TBC1D21: variants seen among roughly 807,000 people sequenced by gnomAD.
TBC1D21 encodes the protein male germ cell Rab GTPase-activating protein.
Under a neutral mutation model 46.0 loss-of-function variants are expected in TBC1D21, and 38 were observed. The ratio of observed to expected loss-of-function variants is 0.83; its 90% CI spans 0.64 to 1.08. The LOEUF (loss-of-function observed/expected upper bound fraction) is 1.08. Among genes scored for constraint, TBC1D21 ranks in the 50% least tolerant of loss-of-function variants. The pLI, the probability that TBC1D21 is intolerant of heterozygous loss-of-function variation, is 0.00. For missense variants in TBC1D21, 415 were observed against 417.9 expected (o/e 0.99, Z 0.06); for synonymous variants, 151 against 157.2 (o/e 0.96, Z 0.29).
chr15:73,874,032 G>A (rs1056804741), intron 1 of TBC1D21, among the ~76,000 whole-genome samples: 4 of 152,184 alleles, frequency 2.6e-5, no homozygotes, highest in South Asian at 2.1e-4. Context: ...TTGCAGGTGC[G>A]AACCTGAAGA....
chr15:73,889,707 G>A (rs2068320938), downstream of TBC1D21, among the ~76,000 whole-genome samples: 1 of 152,204 alleles, frequency 6.6e-6, no homozygotes, highest in African/African-American at 2.4e-5. Context: ...CCTCATAATT[G>A]TGCCTTCATT....
downstream of TBC1D21, among the ~76,000 whole-genome samples, chr15:73,892,040 T>G (rs536492729): frequency 7.2e-5 from 11 of 152,342 alleles, no homozygotes; most frequent in African/African-American, 2.6e-4. Flanking sequence ...AGTGACAACC[T>G]ATGGGGCTTT....
intron 1 of TBC1D21, among the ~76,000 whole-genome samples, chr15:73,877,729 G>GTGATGTGAGGAATGTGA (rs2068092402): frequency 6.6e-6 from 1 of 152,122 alleles, no homozygotes; most frequent in South Asian, 2.1e-4. Context: ...TCACCAAGTG[G>GTGATGTGAGGAATGTGA]GGCTTATCCC....
At chr15:73,884,966 A>ACCCCCCCCC in intron 5 of TBC1D21, 37 bp from the exon 6 acceptor site, 1 of 1,144,000 alleles carries the variant, frequency 8.7e-7, no homozygotes, top group Non-Finnish European at 1.3e-6. Context: ...AGGCTCTCCC[A>ACCCCCCCCC]CCCAGCCCCT....
the TBC1D21 span, among the ~76,000 whole-genome samples, chr15:73,898,880 A>AAATATATATATATAT: frequency 1.4e-4 from 8 of 56,804 alleles, no homozygotes; most frequent in Non-Finnish European, 2.7e-4. Context: ...AAAAAAAAAA[A>AAATATATATATATAT]ATATATATAT....
chr15:73,902,002 TG>T, the TBC1D21 span, among the ~76,000 whole-genome samples: 1 of 152,020 alleles, frequency 6.6e-6, no homozygotes, highest in East Asian at 1.9e-4. Context: ...TTTGTAGAGA[TG>T]GGGACTCACT....
chr15:73,884,311 C>A, intron 4 of TBC1D21, 66 bp downstream of exon 4: 1 of 1,398,904 alleles, frequency 7.1e-7, no homozygotes, highest in African/African-American at 1.4e-5. Context: ...GCCCCCTTCT[C>A]AGCCACTTCC....
At chr15:73,874,170 G>C (rs957073913) in intron 1 of TBC1D21, among the ~76,000 whole-genome samples, 3 of 152,096 alleles carry the variant, frequency 2.0e-5, no homozygotes, top group Non-Finnish European at 4.4e-5. Context: ...GTTAGAAGTC[G>C]GCTTCAGTCA....
chr15:73,900,804 G>A, the TBC1D21 span, among the ~76,000 whole-genome samples: 2 of 152,320 alleles, frequency 1.3e-5, no homozygotes, highest in Non-Finnish European at 1.5e-5. Context: ...TAGCGAAGAG[G>A]CATCAGGCAG....
chr15:73,896,841 T>G, the TBC1D21 span, among the ~76,000 whole-genome samples: 4 of 152,064 alleles, frequency 2.6e-5, no homozygotes, highest in Non-Finnish European at 5.9e-5. Context: ...GTCCTCAGTT[T>G]CCCCCTCTGA....
At chr15:73,880,457 A>T (rs1186120784) in intron 1 of TBC1D21, among the ~76,000 whole-genome samples, 1 of 152,146 alleles carries the variant, frequency 6.6e-6, no homozygotes, top group Non-Finnish European at 1.5e-5. Context: ...AGCAGTGTAC[A>T]TTATTATAGA....
downstream of TBC1D21, among the ~76,000 whole-genome samples, chr15:73,892,503 T>C (rs1300657065): frequency 6.6e-6 from 1 of 152,212 alleles, no homozygotes; most frequent in Non-Finnish European, 1.5e-5. Context: ...CAAGCTTCCA[T>C]GCACCGCTGC....
the TBC1D21 span, among the ~76,000 whole-genome samples, chr15:73,896,218 C>T: frequency 3.9e-5 from 6 of 152,128 alleles, no homozygotes; most frequent in Non-Finnish European, 8.8e-5. Context: ...GGAGGTGATA[C>T]TGGATGTGAT....
At chr15:73,877,547 AAAAGAAAT>A (rs2068089167) in intron 1 of TBC1D21, among the ~76,000 whole-genome samples, 12 of 80,106 alleles carry the variant, frequency 1.5e-4, no homozygotes, top group East Asian at 3.6e-4. Flanking sequence ...AAAAAAAAAA[AAAAGAAAT>A]CCCTACTCAT....
In TBC1D21 at chr15:73,884,831, A is replaced by T; in HGVS notation, c.418A>T (p.Ile140Phe). The T allele has an allele frequency of 3.1e-6, 5 of 1,614,174 alleles. No individual in the cohort carries two copies. The highest frequency in any genetic ancestry group is 4.2e-6 in the Non-Finnish European group (5 of 1,180,006). The change falls in exon 5 of 11, where the codon ATC becomes TTC. Residue 140 changes from isoleucine (I) to phenylalanine (F), a missense_variant. Ile to Phe is a conservative substitution (Grantham distance 21). Coordinates refer to ENST00000300504, the MANE Select transcript of TBC1D21 (RefSeq NM_153356.3). ...CAAAGATCCCCTGGGCAACGTCCTC[A>T]TCGACAAGAAGAGGCTAGAGAAGAT... is the stretch of plus-strand genomic sequence containing the variant. ...YDKDPLGNVL[I>F]DKKRLEKILL...
At chr15:73,893,382 C>T (rs954448118), downstream of TBC1D21, among the ~76,000 whole-genome samples, 5 of 152,168 alleles carry the variant, frequency 3.3e-5, no homozygotes, top group African/African-American at 7.2e-5. Flanking sequence ...AGCAGCCAGG[C>T]CCCATCCAAG....
chr15:73,886,309 G>A (rs1438135954), intron 7 of TBC1D21, 135 bp downstream of exon 7: 3 of 902,600 alleles, frequency 3.3e-6, no homozygotes, highest in African/African-American at 1.7e-5. Context: ...CAGGCCCTGG[G>A]AAGAGGGTTA....
In TBC1D21 at chr15:73,888,430, G is replaced by T. The variant is rs1430350319; in HGVS notation, c.895G>T (p.Ala299Ser). The T allele has an allele frequency of 6.2e-7, 1 of 1,613,426 alleles. No homozygotes were observed. The highest frequency in any genetic ancestry group is 1.7e-5 in the Admixed American group (1 of 59,938). ...ESMGGDDILL[A>S]CNNLIDLDAD... ...CAACTGCTCCCACACTCCCATGCAG[G>T]CCTGCAACAACCTCATCGACCTTGA... Residue 299 changes from alanine to serine, a missense_variant and splice_region_variant, in exon 10 of 11, where the codon GCC becomes TCC. Physicochemically the swap from Ala to Ser is moderately conservative, Grantham distance 99 (BLOSUM62 1). Coordinates refer to ENST00000300504, the MANE Select transcript of TBC1D21 (RefSeq NM_153356.3).
At chr15:73,873,919 C>T (rs1476222066) in intron 1 of TBC1D21, 150 bp downstream of exon 1, 3 of 866,842 alleles carry the variant, frequency 3.5e-6, no homozygotes, top group Non-Finnish European at 5.5e-6. Context: ...TTACCATCAG[C>T]CCAAGGACAG....
Sources: allele counts gnomAD v4.1 joint callset (sites outside exome capture counted in the v4.1 genomes callset), GRCh38; gene constraint gnomAD v4.1.1; transcripts MANE v1.5; gene names NCBI Gene and HGNC (gene_info 2026-07-23, HGNC 2026-07-21).